Variants in ANXA4 observed in about 807,000 individuals in gnomAD.
ANXA4 encodes 35-beta calcimedin.
ANXA4 carries 39 observed loss-of-function variants against 49.8 expected under a neutral mutation model. The ratio of observed to expected loss-of-function variants is 0.78; its 90% CI spans 0.61 to 1.02. ANXA4 has a LOEUF of 1.02. Ranked by LOEUF, ANXA4 falls within the 50% of genes least tolerant of loss-of-function variation. The pLI, the probability that ANXA4 is intolerant of heterozygous loss-of-function variation, is 0.00. For missense variants in ANXA4, 360 were observed against 410.1 expected (o/e 0.88, Z 1.05); for synonymous variants, 134 against 152.5 (o/e 0.88, Z 0.89).
chr2:69,799,316 G>A lies in ANXA4; in HGVS notation c.98-5217G>A, dbSNP rs569576450. ...CTATCTTAGTGCACCTAAAGGGAAA[G>A]GAATGTGCTTATTAAGACCCACTGT... On this transcript the variant is annotated intron_variant, in intron 3 of 12. Transcript: ENST00000394295. Among the ~76,000 whole-genome samples, 6 of 152,264 alleles carry A rather than the reference G, an allele frequency of 3.9e-5. No homozygotes were observed. In the East Asian group the frequency reaches 1.2e-3, roughly 29 times the overall value.
intron 7 of ANXA4, among the ~76,000 whole-genome samples, chr2:69,812,094 ACT>A (rs1673728923): frequency 7.3e-6 from 1 of 137,322 alleles, no homozygotes; most frequent in African/African-American, 2.8e-5. Flanking sequence ...TATTCTCTCG[ACT>A]CTCCTCTGTT....
chr2:69,705,298 A>G (rs1484979283), intron 2 of ANXA4, among the ~76,000 whole-genome samples: 3 of 152,166 alleles, frequency 2.0e-5, no homozygotes, highest in African/African-American at 7.2e-5. Context: ...GCTGTCTCAA[A>G]AAAAGAAAGA....
intron 2 of ANXA4, among the ~76,000 whole-genome samples, chr2:69,661,280 C>G (rs1309573638): frequency 2.0e-5 from 3 of 147,660 alleles, no homozygotes; most frequent in African/African-American, 7.4e-5. Context: ...AAAGGAGCTA[C>G]TAAAATTTGT....
At chr2:69,814,257 TTCCAA>T (rs1313301870) in intron 8 of ANXA4, among the ~76,000 whole-genome samples, 1 of 151,858 alleles carries the variant, frequency 6.6e-6, no homozygotes, top group African/African-American at 2.4e-5. Context: ...AAAGCAAGCA[TTCCAA>T]TAGAAACAAT....
intron 2 of ANXA4, among the ~76,000 whole-genome samples, chr2:69,704,675 A>G (rs1678434579): frequency 6.6e-6 from 1 of 152,232 alleles, no homozygotes; most frequent in Non-Finnish European, 1.5e-5. Flanking sequence ...GCAAGTCTTA[A>G]CACACAAACA....
intron 2 of ANXA4, among the ~76,000 whole-genome samples, chr2:69,704,725 C>T (rs780875588): frequency 7.9e-5 from 12 of 152,160 alleles, no homozygotes; most frequent in Non-Finnish European, 1.6e-4. Flanking sequence ...GCTAATGTCC[C>T]ATTGTTCTAA....
chr2:69,824,328 C>G (rs1181521298), intron 12 of ANXA4, among the ~76,000 whole-genome samples: 2 of 151,758 alleles, frequency 1.3e-5, no homozygotes. Flanking sequence ...CATGGTGAAA[C>G]CCTGTCTCTA....
intron 2 of ANXA4, among the ~76,000 whole-genome samples, chr2:69,705,933 A>AAAAAC (rs1192680630): frequency 6.6e-6 from 1 of 152,204 alleles, no homozygotes; most frequent in Non-Finnish European, 1.5e-5. Flanking sequence ...CTTTGTCTCA[A>AAAAAC]AAAACAAAAC....
intron 1 of ANXA4, 66 bp from the exon 2 acceptor site, chr2:69,781,454 A>G (rs1234858596): frequency 1.5e-6 from 2 of 1,353,224 alleles, no homozygotes; most frequent in Non-Finnish European, 2.1e-6. Context: ...ACTGCAAGTT[A>G]TCCTGATTAA....
chr2:69,714,328 G>A (rs1678797486), intron 2 of ANXA4, among the ~76,000 whole-genome samples: 1 of 150,328 alleles, frequency 6.7e-6, no homozygotes, highest in Non-Finnish European at 1.5e-5. Context: ...TTCCGGAAGG[G>A]AGGAAGGATG....
intron 3 of ANXA4, among the ~76,000 whole-genome samples, chr2:69,803,148 G>A (rs1008968178): frequency 6.6e-6 from 1 of 150,980 alleles, no homozygotes; most frequent in African/African-American, 2.4e-5. Flanking sequence ...GAGTGAGCTG[G>A]ACTGCACTCC....
chr2:69,673,467 C>T (rs763445784), intron 2 of ANXA4, among the ~76,000 whole-genome samples: 1 of 118,998 alleles, frequency 8.4e-6, no homozygotes, highest in African/African-American at 3.2e-5. Flanking sequence ...AACACATGGA[C>T]ACAAGGAGGG....
At chr2:69,810,350 A>C in intron 6 of ANXA4, 2 of 445,090 alleles carry the variant, frequency 4.5e-6, no homozygotes, top group Non-Finnish European at 4.2e-6. Flanking sequence ...AGCCTGGGCA[A>C]CAGAATGAGA....
At chr2:69,732,277 C>G (rs1451202587) in intron 3 of ANXA4, among the ~76,000 whole-genome samples, 2 of 151,436 alleles carry the variant, frequency 1.3e-5, no homozygotes, top group Admixed American at 1.3e-4. Flanking sequence ...GCGCCCAGCC[C>G]TTAGTTATGT....
chr2:69,724,397 G>A (rs1055261489), intron 3 of ANXA4, among the ~76,000 whole-genome samples: 3 of 152,168 alleles, frequency 2.0e-5, no homozygotes, highest in Non-Finnish European at 4.4e-5. Flanking sequence ...TTACCAAGTC[G>A]TGCACCCTGG....
At chr2:69,811,401 T>C (rs1673699808) in intron 7 of ANXA4, 1 of 152,340 alleles carries the variant, frequency 6.6e-6, no homozygotes, top group East Asian at 1.9e-4. Flanking sequence ...AGAAGAGTAA[T>C]GTAATAGTGA....
intron 3 of ANXA4, among the ~76,000 whole-genome samples, chr2:69,730,546 C>T (rs758536507): frequency 1.3e-5 from 2 of 152,212 alleles, no homozygotes; most frequent in Admixed American, 6.5e-5. Context: ...TGTGAGCAGT[C>T]TCCTTCTAAG....
chr2:69,758,080 A>G (rs1671135214), intron 1 of ANXA4, among the ~76,000 whole-genome samples: 2 of 152,094 alleles, frequency 1.3e-5, no homozygotes, highest in Non-Finnish European at 2.9e-5. Context: ...AAACATGAAA[A>G]CAAATATTTG....
At chr2:69,775,392 C>A (rs946186806) in intron 1 of ANXA4, among the ~76,000 whole-genome samples, 2 of 152,214 alleles carry the variant, frequency 1.3e-5, no homozygotes, top group Non-Finnish European at 2.9e-5. Context: ...TGAGCCAACA[C>A]CTTGGGGTAG....
Sources: allele counts gnomAD v4.1 joint callset (sites outside exome capture counted in the v4.1 genomes callset), GRCh38; gene constraint gnomAD v4.1.1; transcripts MANE v1.5; gene names NCBI Gene and HGNC (gene_info 2026-07-23, HGNC 2026-07-21).